Variants in CMIP observed in about 807,000 individuals in gnomAD.
CMIP encodes the protein C-Maf-inducing protein.
A neutral mutation model predicts 97.3 loss-of-function variants in CMIP; 13 were observed. The ratio of observed to expected loss-of-function variants is 0.13; its 90% confidence interval spans 0.09 to 0.21. The LOEUF (loss-of-function observed/expected upper bound fraction) is 0.21, where lower values mean the gene tolerates loss of function less well. Ranked by LOEUF, CMIP falls within the 10% of genes least tolerant of loss-of-function variation. The pLI, the probability that CMIP is intolerant of heterozygous loss-of-function variation, is 1.00. For synonymous variants in CMIP, 538 were observed against 436.3 expected (o/e 1.23, Z -2.91); for missense variants, 847 against 1,024.9 (o/e 0.83, Z 2.37).
chr16:81,534,152 A>C (rs892810607), intron 1 of CMIP, among the ~76,000 whole-genome samples: 1 of 152,226 alleles, frequency 6.6e-6, no homozygotes. Context: ...TTTCAAAGCC[A>C]GGACTTTCAG....
intron 1 of CMIP, among the ~76,000 whole-genome samples, chr16:81,507,555 T>C (rs916241479): frequency 1.3e-5 from 2 of 152,236 alleles, no homozygotes; most frequent in African/African-American, 2.4e-5. Flanking sequence ...TTAAGTCGTT[T>C]AATTGGTGCG....
chr16:81,514,439 C>A (rs2089872246), intron 1 of CMIP, among the ~76,000 whole-genome samples: 2 of 152,192 alleles, frequency 1.3e-5, no homozygotes, highest in Admixed American at 1.3e-4. Flanking sequence ...CGAGACCATC[C>A]AGGTTCCAAC....
intron 1 of CMIP, among the ~76,000 whole-genome samples, chr16:81,562,602 C>G (rs1158917839): frequency 6.6e-6 from 1 of 152,204 alleles, no homozygotes; most frequent in Non-Finnish European, 1.5e-5. Context: ...TGCTTCCTAG[C>G]CACGCCCACG....
At chr16:81,697,575 C>G (rs1232630702) in intron 14 of CMIP, 1 of 152,272 alleles carries the variant, frequency 6.6e-6, no homozygotes, top group African/African-American at 2.4e-5. Flanking sequence ...GCTTCAGCCC[C>G]TCGTCCGGGA....
intron 1 of CMIP, among the ~76,000 whole-genome samples, chr16:81,504,928 C>T (rs1460182789): frequency 6.6e-6 from 1 of 152,330 alleles, no homozygotes; most frequent in African/African-American, 2.4e-5. Flanking sequence ...GGGTCTTTTC[C>T]CACAGACAGT....
chr16:81,503,908 G>T (rs1398232531), intron 1 of CMIP, among the ~76,000 whole-genome samples: 1 of 152,252 alleles, frequency 6.6e-6, no homozygotes, highest in Non-Finnish European at 1.5e-5. Context: ...CATGTAATGA[G>T]GGCGTGTTCA....
At position 81,495,472 on chromosome 16, in the gene CMIP, G is replaced by A. The variant is rs567168351; in HGVS notation, c.300+49931G>A. On this transcript the variant is annotated intron_variant, in intron 1 of 20. Transcript: ENST00000537098. ...ACAGATCTCCGCCCTGGCGTCCGGG[G>A]AAGGATGGGACAGGCTGCTGAGGTA... 3.3e-5 allele frequency: 53 copies of A among 1,613,194 alleles called. No homozygotes were observed. In the African/African-American group the frequency reaches 4.4e-4, roughly 13 times the overall value.
chr16:81,636,847 C>T (rs2092243414), intron 3 of CMIP, among the ~76,000 whole-genome samples: 1 of 135,168 alleles, frequency 7.4e-6, no homozygotes, highest in South Asian at 2.8e-4. Context: ...TTGGTCCCCA[C>T]CCCCCACCCC....
chr16:81,589,130 G>C (rs1243152955), intron 1 of CMIP, among the ~76,000 whole-genome samples: 1 of 150,774 alleles, frequency 6.6e-6, no homozygotes. Flanking sequence ...GTGTCACCCT[G>C]TGGTCCAGGC....
chr16:81,668,376 C>T (rs1171308090), intron 7 of CMIP, among the ~76,000 whole-genome samples: 1 of 152,142 alleles, frequency 6.6e-6, no homozygotes, highest in East Asian at 1.9e-4. Context: ...GGCCCCTGTC[C>T]GGCCCGTGCC....
intron 1 of CMIP, among the ~76,000 whole-genome samples, chr16:81,575,109 C>G (rs1338828682): frequency 6.6e-6 from 1 of 152,196 alleles, no homozygotes. Flanking sequence ...GAGCACTTAA[C>G]TTCATGCCAG....
intron 1 of CMIP, among the ~76,000 whole-genome samples, chr16:81,536,215 C>T (rs2090339830): frequency 6.6e-6 from 1 of 152,086 alleles, no homozygotes; most frequent in African/African-American, 2.4e-5. Flanking sequence ...TGAAGGCTTC[C>T]AGCTTGCTGA....
rs553877653 is a variant in CMIP, at chr16:81,496,932, G to T, written c.300+51391G>T. On this transcript the variant is annotated intron_variant, in intron 1 of 20. Transcript: ENST00000537098. ...CACCCACCCACAGCCTGGCAGCTGGGCCATTTGCTTACTGCTGGCTGGCTG... is the reference window on the plus strand; with the variant it reads ...CACCCACCCACAGCCTGGCAGCTGGTCCATTTGCTTACTGCTGGCTGGCTG... Among the ~76,000 whole-genome samples, 3 of 152,402 alleles carry T rather than the reference G, an allele frequency of 2.0e-5. No individual in the cohort carries two copies. In the South Asian group the frequency reaches 6.2e-4, roughly 32 times the overall value.
chr16:81,535,230 G>A (rs2150829426), intron 1 of CMIP, among the ~76,000 whole-genome samples: 1 of 152,306 alleles, frequency 6.6e-6, no homozygotes, highest in East Asian at 1.9e-4. Context: ...CATTACAGGT[G>A]TGAGCCACCA....
chr16:81,496,977 G>A (rs1341567609), intron 1 of CMIP, among the ~76,000 whole-genome samples: 1 of 152,266 alleles, frequency 6.6e-6, no homozygotes, highest in Non-Finnish European at 1.5e-5. Context: ...ACAGTTGGAA[G>A]AGGCCATAAA....
In CMIP at chr16:81,701,766, A is replaced by G. The variant is rs1420923635; in HGVS notation, c.1862A>G (p.Gln621Arg). ...GACGTGGGGAAGCGCATGTACGAGC[A>G]GCTGTGTGACCGGCAGCGGGAGCTG... Reference protein sequence around the residue: ...STDVGKRMYEQLCDRQRELKE... With the variant: ...STDVGKRMYERLCDRQRELKE... Residue 621 changes from glutamine (Q) to arginine (R), a missense_variant, in exon 16 of 21, where the codon CAG becomes CGG. Physicochemically the swap from Gln to Arg is conservative, Grantham distance 43. Coordinates refer to ENST00000537098, the MANE Select transcript of CMIP (RefSeq NM_198390.3). 6.2e-7 allele frequency: 1 copy of G among 1,613,732 alleles called. No homozygotes were observed. Among genetic ancestry groups the G allele is most frequent in the Non-Finnish European group, 8.5e-7 (1 of 1,179,888 alleles).
At chr16:81,487,545 T>A (rs77104170) in intron 1 of CMIP, among the ~76,000 whole-genome samples, 1 of 152,102 alleles carries the variant, frequency 6.6e-6, no homozygotes, top group African/African-American at 2.4e-5. Flanking sequence ...AGGCAGCAAC[T>A]CCTCTCCCAA....
At chr16:81,474,879 C>T (rs1182947884) in intron 1 of CMIP, among the ~76,000 whole-genome samples, 2 of 152,190 alleles carry the variant, frequency 1.3e-5, no homozygotes, top group Non-Finnish European at 2.9e-5. Flanking sequence ...GGGAGGGAGT[C>T]GACCAGTGCT....
intron 1 of CMIP, among the ~76,000 whole-genome samples, chr16:81,549,894 G>T (rs2090619629): frequency 6.6e-6 from 1 of 152,230 alleles, no homozygotes; most frequent in Non-Finnish European, 1.5e-5. Flanking sequence ...GTATTTGAAT[G>T]TGTGTGTGCA....
Sources: gnomAD v4.1 joint callset for allele counts (sites outside exome capture counted in the v4.1 genomes callset) on GRCh38, gnomAD v4.1.1 for gene constraint, MANE v1.5 for transcripts, NCBI Gene and HGNC (gene_info 2026-07-23, HGNC 2026-07-21) for gene names.